Variants in DRC9 observed in about 807,000 individuals in gnomAD.
The protein encoded by DRC9 is dynein regulatory complex protein 9.
chr3:197,928,092 A>G, the DRC9 span, among the ~76,000 whole-genome samples: 2 of 152,180 alleles, frequency 1.3e-5, no homozygotes, highest in African/African-American at 4.8e-5. Flanking sequence ...CGTGCCCTAG[A>G]ACTTAAAGTA....
the DRC9 span, among the ~76,000 whole-genome samples, chr3:197,932,838 G>C: frequency 1.4e-4 from 12 of 88,534 alleles, no homozygotes; most frequent in African/African-American, 7.7e-4. Context: ...ATTTATATAT[G>C]TATTATATAT....
At chr3:197,893,871 A>G in the DRC9 span, among the ~76,000 whole-genome samples, 1 of 152,108 alleles carries the variant, frequency 6.6e-6, no homozygotes, top group Admixed American at 6.6e-5. Flanking sequence ...AAGAAAGAAA[A>G]GCAAGTGAAT....
At chr3:197,960,132 C>T in the DRC9 span, 126 of 1,106,510 alleles carry the variant, frequency 1.1e-4, no homozygotes, top group Non-Finnish European at 1.4e-4. Flanking sequence ...GCTGTCCAAT[C>T]GGAAAGCGCC....
At chr3:197,909,176 CAT>C in the DRC9 span, among the ~76,000 whole-genome samples, 2 of 152,190 alleles carry the variant, frequency 1.3e-5, no homozygotes, top group Non-Finnish European at 2.9e-5. Flanking sequence ...ATGACAAACT[CAT>C]GTGTAATCCT....
chr3:197,904,027 T>C, the DRC9 span, among the ~76,000 whole-genome samples: 3,125 of 99,134 alleles, frequency 0.032, 41 homozygotes, highest in Non-Finnish European at 0.046. Flanking sequence ...TACATACATA[T>C]ATATATACAT....
chr3:197,928,366 T>G, the DRC9 span, among the ~76,000 whole-genome samples: 1 of 151,212 alleles, frequency 6.6e-6, no homozygotes, highest in Non-Finnish European at 1.5e-5. Flanking sequence ...TTTGTTTTTT[T>G]GAGGCAGAGT....
the DRC9 span, among the ~76,000 whole-genome samples, chr3:197,940,682 G>C: frequency 6.6e-6 from 1 of 152,144 alleles, no homozygotes; most frequent in Non-Finnish European, 1.5e-5. Context: ...CAGGGCAGCG[G>C]CATCTTCAAA....
At chr3:197,899,235 C>A in the DRC9 span, among the ~76,000 whole-genome samples, 1 of 152,180 alleles carries the variant, frequency 6.6e-6, no homozygotes, top group African/African-American at 2.4e-5. Context: ...AATGTTTTCA[C>A]TGAAGAAGGC....
At chr3:197,905,354 C>G in the DRC9 span, among the ~76,000 whole-genome samples, 10 of 152,228 alleles carry the variant, frequency 6.6e-5, no homozygotes, top group African/African-American at 2.4e-4. Flanking sequence ...TAAGTATATA[C>G]ACCTACTATG....
chr3:197,918,329 C>T, the DRC9 span, among the ~76,000 whole-genome samples: 1 of 140,218 alleles, frequency 7.1e-6, no homozygotes, highest in Admixed American at 7.5e-5. Context: ...GTCTCAAACT[C>T]CTGGTCTCAA....
the DRC9 span, chr3:197,951,202 C>T: frequency 2.5e-6 from 4 of 1,613,954 alleles, no homozygotes; most frequent in Non-Finnish European, 3.4e-6. Context: ...GCGGGGTCTC[C>T]GGAACCAAAG....
chr3:197,910,586 A>G, the DRC9 span, among the ~76,000 whole-genome samples: 1 of 152,224 alleles, frequency 6.6e-6, no homozygotes, highest in East Asian at 1.9e-4. Context: ...CACATTTGGA[A>G]TCCTTGACTG....
At chr3:197,908,811 G>A in the DRC9 span, among the ~76,000 whole-genome samples, 2 of 147,112 alleles carry the variant, frequency 1.4e-5, no homozygotes, top group African/African-American at 5.1e-5. Flanking sequence ...CCCTTTCCCA[G>A]GCATCCTCCC....
At chr3:197,904,103 TATATATA>T in the DRC9 span, among the ~76,000 whole-genome samples, 65 of 38,366 alleles carry the variant, frequency 1.7e-3, 1 homozygote, top group African/African-American at 5.1e-3. Context: ...TATATATATA[TATATATA>T]TTTTTTTTTT....
At chr3:197,923,187 C>T in the DRC9 span, among the ~76,000 whole-genome samples, 1 of 152,158 alleles carries the variant, frequency 6.6e-6, no homozygotes, top group Non-Finnish European at 1.5e-5. Context: ...GGGGAGACCA[C>T]AGCTCACTGC....
the DRC9 span, chr3:197,951,395 C>A: frequency 1.4e-6 from 2 of 1,462,012 alleles, no homozygotes; most frequent in Non-Finnish European, 1.9e-6. Context: ...GCTCTGTTGC[C>A]GAGGCTGGAA....
the DRC9 span, among the ~76,000 whole-genome samples, chr3:197,932,814 T>TTA: frequency 9.9e-5 from 13 of 131,434 alleles, no homozygotes; most frequent in East Asian, 2.1e-4. Flanking sequence ...TATATATGTA[T>TTA]TATATATATA....
chr3:197,904,216 A>C, the DRC9 span, among the ~76,000 whole-genome samples: 1 of 151,742 alleles, frequency 6.6e-6, no homozygotes, highest in South Asian at 2.1e-4. Context: ...AGATCATCGG[A>C]GAAATGCAAA....
chr3:197,904,110 A>ATATATT, the DRC9 span, among the ~76,000 whole-genome samples: 4 of 80,832 alleles, frequency 4.9e-5, no homozygotes, highest in African/African-American at 1.4e-4. Flanking sequence ...ATATATATAT[A>ATATATT]TTTTTTTTTT....
Sources: gnomAD v4.1 joint callset for allele counts (sites outside exome capture counted in the v4.1 genomes callset) on GRCh38, gnomAD v4.1.1 for gene constraint, MANE v1.5 for transcripts, NCBI Gene and HGNC (gene_info 2026-07-23, HGNC 2026-07-21) for gene names.